LVRN: variants seen among roughly 807,000 people sequenced by gnomAD.
The protein encoded by LVRN is aminopeptidase Q.
Under a neutral mutation model 111.4 loss-of-function variants are expected in LVRN, and 99 were observed. That is an observed-to-expected ratio of 0.89 (90% CI 0.76 to 1.05). The LOEUF (loss-of-function observed/expected upper bound fraction) is 1.05. LVRN is among the 50% of genes least tolerant of loss of function. The pLI is 0.00. For missense variants in LVRN, 1,414 were observed against 1,206.8 expected, an observed-to-expected ratio of 1.17 and a Z score of -2.54; for synonymous variants, 488 against 449.5, an observed-to-expected ratio of 1.09 and a Z score of -1.08.
rs967505405 is a variant in LVRN at position 116,000,301 on chromosome 5, T to C, written c.1516-132T>C. On this transcript the variant is annotated intron_variant, in intron 7 of 19. Transcript: ENST00000357872. ...ACTATTTTGTTAGCACATTCCAAAA[T>C]AATTCAAACATTCAACTAAAATGCA... 5.5e-6 allele frequency: 7 copies of C among 1,268,344 alleles called. No homozygotes were observed. The African/African-American group carries it at 1.0e-4, about 19-fold the overall frequency. 78.6% of individuals were successfully genotyped at this position (1,268,344 alleles called of 1,614,324 possible). A position where few individuals can be genotyped will look rare whatever the true frequency, so the allele number is the denominator to read the frequency against.
At chr5:115,995,030 T>C (rs1748076574) in intron 6 of LVRN, among the ~76,000 whole-genome samples, 1 of 152,174 alleles carries the variant, frequency 6.6e-6, no homozygotes, top group African/African-American at 2.4e-5. Flanking sequence ...AAGGCTGGAT[T>C]ACTGACCTCT....
At chr5:115,971,474 A>C (rs1561553393) in intron 1 of LVRN, among the ~76,000 whole-genome samples, 2 of 152,092 alleles carry the variant, frequency 1.3e-5, no homozygotes, top group African/African-American at 4.8e-5. Context: ...TGTATGATCC[A>C]TTTTGAGTTA....
intron 6 of LVRN, among the ~76,000 whole-genome samples, chr5:115,997,176 T>C (rs1748132003): frequency 6.6e-6 from 1 of 152,136 alleles, no homozygotes; most frequent in South Asian, 2.1e-4. Flanking sequence ...AGGACATTGT[T>C]GTTTTACCCA....
intron 1 of LVRN, among the ~76,000 whole-genome samples, chr5:115,976,602 G>T (rs75436630): frequency 0.011 from 1,723 of 152,160 alleles, 34 homozygotes; most frequent in African/African-American, 0.04. Flanking sequence ...TTGCTTTAAT[G>T]CCATGCCACA....
intron 1 of LVRN, among the ~76,000 whole-genome samples, chr5:115,982,967 C>T (rs1747745748): frequency 6.6e-6 from 1 of 152,174 alleles, no homozygotes; most frequent in Non-Finnish European, 1.5e-5. Context: ...AGAGCTGGTT[C>T]TCAAAAGACT....
At chr5:116,015,850 G>GC (rs1748594188) in intron 18 of LVRN, 85 bp downstream of exon 18, 1 of 1,522,476 alleles carries the variant, frequency 6.6e-7, no homozygotes. Context: ...TGGAAGCTCA[G>GC]CTTTAGTCTA....
intron 18 of LVRN, among the ~76,000 whole-genome samples, chr5:116,020,438 T>C (rs151223741): frequency 0.016 from 2,483 of 152,320 alleles, 86 homozygotes; most frequent in African/African-American, 0.057. Flanking sequence ...TTTATTTGAA[T>C]ATAGAATACA....
chr5:115,991,154 A>C (rs1240778189), intron 4 of LVRN, among the ~76,000 whole-genome samples: 2 of 152,174 alleles, frequency 1.3e-5, no homozygotes, highest in African/African-American at 4.8e-5. Flanking sequence ...AGTATCATAC[A>C]GAATAGTTTC....
intron 18 of LVRN, among the ~76,000 whole-genome samples, chr5:116,016,994 A>G (rs879731789): frequency 2.0e-5 from 3 of 152,204 alleles, no homozygotes; most frequent in Non-Finnish European, 2.9e-5. Context: ...GTGCAGTTCA[A>G]ATTGTTATTG....
intron 13 of LVRN, 186 bp from the exon 14 acceptor site, chr5:116,010,555 G>A (rs1748465816): frequency 3.0e-6 from 2 of 665,094 alleles, no homozygotes; most frequent in African/African-American, 1.8e-5. Context: ...AAATTGAAAT[G>A]GAAGGACTGT....
chr5:116,012,993 T>A (rs1359068751), intron 15 of LVRN, among the ~76,000 whole-genome samples: 1 of 152,108 alleles, frequency 6.6e-6, no homozygotes, highest in African/African-American at 2.4e-5. Flanking sequence ...GTAAGCATAT[T>A]GTCATGGTGG....
chr5:116,010,825 C>A lies in LVRN; in HGVS notation c.2178C>A (p.Val726=), dbSNP rs1748473590. ...ATGAAATTATAGTATGGCATACAGT[C>A]TTGGTAAACTTGGTAACCAGGGATC... The part of the protein sequence containing the change: ...EEDEIIVWHT[V]LVNLVTRDLV... Residue 726 remains valine, a synonymous_variant, in exon 14 of 20, where the codon GTC becomes GTA. Transcript: ENST00000357872. 1 of 1,611,696 alleles carries A rather than the reference C, an allele frequency of 6.2e-7. No individual in the cohort carries two copies. The highest frequency in any genetic ancestry group is 8.5e-7 in the Non-Finnish European group (1 of 1,178,768).
chr5:116,013,958 A>C (rs1748543651), intron 15 of LVRN, among the ~76,000 whole-genome samples: 1 of 152,238 alleles, frequency 6.6e-6, no homozygotes, highest in Admixed American at 6.5e-5. Flanking sequence ...AAAGCAAAAG[A>C]AAACAAATTG....
At chr5:115,969,246 A>G (rs1753268996) in intron 1 of LVRN, among the ~76,000 whole-genome samples, 1 of 152,100 alleles carries the variant, frequency 6.6e-6, no homozygotes, top group African/African-American at 2.4e-5. Context: ...TCACATTTGG[A>G]AAAACTTTCA....
Position 116,001,226 on chromosome 5 carries a change from C to A in LVRN, c.1807C>A (p.Leu603Ile), listed in dbSNP as rs1159223801. ...TCTTGAAAACATTAAAAATCGGACT[C>A]TTCTAACCAGCAAGTAGGTAGCTTT... ...FYLENIKNRT[L>I]LTSNDTWIVP... is the part of the protein sequence containing the mutation. The change falls in exon 10 of 20, where the codon CTT (leucine) becomes ATT (isoleucine). Residue 603 changes from leucine to isoleucine, a missense_variant. Physicochemically the swap from Leu to Ile is conservative, Grantham distance 5. Coordinates refer to ENST00000357872, the MANE Select transcript of LVRN (RefSeq NM_173800.5). The A allele has an allele frequency of 6.2e-7, 1 of 1,613,498 alleles. No homozygotes were observed. The highest frequency in any genetic ancestry group is 1.7e-5 in the Admixed American group (1 of 59,802).
chr5:116,003,612 T>G (rs1284066409), intron 12 of LVRN, among the ~76,000 whole-genome samples: 1 of 149,330 alleles, frequency 6.7e-6, no homozygotes. Context: ...GACGGAGTCT[T>G]GCTCTGTCGC....
At chr5:115,977,230 C>T (rs557006110) in intron 1 of LVRN, among the ~76,000 whole-genome samples, 17 of 152,268 alleles carry the variant, frequency 1.1e-4, no homozygotes, top group Admixed American at 7.8e-4. Flanking sequence ...ATACTCTACT[C>T]GGCAAATTCT....
In LVRN at chr5:115,962,746, C is replaced by T; in HGVS notation, c.129C>T (p.Val43=). The part of the protein sequence containing the change: ...LAALYGHCER[V]PPSELPGLRD... Reference sequence around the variant, plus strand: ...CCTTGTACGGCCACTGCGAGCGCGTCCCACCGTCGGAGCTGCCTGGACTCA... The same window carrying T: ...CCTTGTACGGCCACTGCGAGCGCGTTCCACCGTCGGAGCTGCCTGGACTCA... The change falls in exon 1 of 20, where the codon GTC becomes GTT. Residue 43 remains valine, a synonymous_variant. Coordinates refer to ENST00000357872, the MANE Select transcript of LVRN (RefSeq NM_173800.5). 1.9e-6 allele frequency: 3 copies of T among 1,612,212 alleles called. No homozygotes were observed. Among genetic ancestry groups the T allele is most frequent in the Non-Finnish European group, 2.5e-6 (3 of 1,179,522 alleles).
Position 116,010,722 on chromosome 5 carries a change from G to A in LVRN, c.2094-19G>A. The A allele has an allele frequency of 6.3e-7, 1 of 1,575,382 alleles. No individual in the cohort carries two copies. Among genetic ancestry groups the A allele is most frequent in the Non-Finnish European group, 8.6e-7 (1 of 1,160,768 alleles). The stretch of plus-strand genomic sequence containing the variant: ...GCAAGTGAAGGTTTTTTGAGTGTGT[G>A]TGTTTTTAAATCAAACAGAAACAAT... On this transcript the variant is annotated intron_variant, in intron 13 of 19. Coordinates refer to ENST00000357872, the MANE Select transcript of LVRN (RefSeq NM_173800.5).
Sources: allele counts gnomAD v4.1 joint callset (sites outside exome capture counted in the v4.1 genomes callset), GRCh38; gene constraint gnomAD v4.1.1; transcripts MANE v1.5; gene names NCBI Gene and HGNC (gene_info 2026-07-23, HGNC 2026-07-21).